CNTN3: variants seen among roughly 807,000 people sequenced by gnomAD.
CNTN3 encodes the protein contactin 3, also known as contactin-3.
CNTN3 carries 60 observed loss-of-function variants against 119.1 expected under a neutral mutation model. The ratio of observed to expected loss-of-function variants is 0.50; its 90% CI spans 0.41 to 0.62. The LOEUF is 0.62. Among genes scored for constraint, CNTN3 ranks in the 20% least tolerant of loss-of-function variants. The probability of loss-of-function intolerance (pLI) is 0.00; values close to 1 mark genes in which losing one functional copy is unlikely to be tolerated. For synonymous variants in CNTN3, 450 were observed against 438.7 expected (o/e 1.03, Z -0.32); for missense variants, 1,101 against 1,242.4 (o/e 0.89, Z 1.71).
At chr3:74,597,582 A>G (rs1704834218) in intron 1 of CNTN3, among the ~76,000 whole-genome samples, 1 of 152,048 alleles carries the variant, frequency 6.6e-6, no homozygotes, top group Admixed American at 6.6e-5. Flanking sequence ...ATAGGAAGAA[A>G]ACTTCTTGCT....
intron 20 of CNTN3, among the ~76,000 whole-genome samples, chr3:74,274,237 A>G (rs1701837784): frequency 6.6e-6 from 1 of 151,996 alleles, no homozygotes; most frequent in Non-Finnish European, 1.5e-5. Flanking sequence ...GCTGAACACA[A>G]AAGGCATATA....
In CNTN3 at chr3:74,465,334, T is replaced by C. The variant is rs569470169; in HGVS notation, c.358+21122A>G. On this transcript the variant is annotated intron_variant, in intron 4 of 22. Transcript: ENST00000263665. ...AGAAGCAACAACAACAACAAAAAGG[T>C]CTTTATCGTTACTATTACACTCACG... Among the ~76,000 whole-genome samples, 3 of 152,182 alleles carry C rather than the reference T, an allele frequency of 2.0e-5. No homozygotes were observed. The South Asian group carries it at 6.2e-4, about 32-fold the overall frequency.
At chr3:74,266,794 T>C (rs896839101) in intron 21 of CNTN3, 145 bp from the exon 22 acceptor site, 6 of 708,694 alleles carry the variant, frequency 8.5e-6, no homozygotes, top group Non-Finnish European at 1.2e-5. Flanking sequence ...TTGTAAGTCT[T>C]AGATTAGAGG....
At chr3:74,284,839 A>G (rs2106780719) in intron 20 of CNTN3, among the ~76,000 whole-genome samples, 1 of 152,344 alleles carries the variant, frequency 6.6e-6, no homozygotes, top group East Asian at 1.9e-4. Context: ...ACACATTCAC[A>G]GGACCATCAT....
chr3:74,328,493 T>C (rs1703182845), intron 13 of CNTN3, among the ~76,000 whole-genome samples: 1 of 152,254 alleles, frequency 6.6e-6, no homozygotes, highest in Non-Finnish European at 1.5e-5. Flanking sequence ...GTTTTAACTC[T>C]GCTGTTTTTA....
intron 5 of CNTN3, among the ~76,000 whole-genome samples, chr3:74,408,096 A>C (rs1470154297): frequency 6.6e-6 from 1 of 152,190 alleles, no homozygotes; most frequent in African/African-American, 2.4e-5. Flanking sequence ...GGAAGGTAGG[A>C]CCTTGAGAGG....
intron 1 of CNTN3, among the ~76,000 whole-genome samples, chr3:74,529,550 T>C (rs1452072594): frequency 6.6e-6 from 1 of 151,952 alleles, no homozygotes; most frequent in Non-Finnish European, 1.5e-5. Flanking sequence ...CTGAAGGTTT[T>C]CTGAAACTAC....
At chr3:74,310,191 G>A (rs1417329275) in intron 13 of CNTN3, among the ~76,000 whole-genome samples, 1 of 151,514 alleles carries the variant, frequency 6.6e-6, no homozygotes, top group African/African-American at 2.4e-5. Context: ...AGAATGATAT[G>A]AATGTTACAT....
At chr3:74,296,122 T>C (rs974642898) in intron 18 of CNTN3, among the ~76,000 whole-genome samples, 1 of 152,132 alleles carries the variant, frequency 6.6e-6, no homozygotes, top group Admixed American at 6.5e-5. Flanking sequence ...TAACTCTCCC[T>C]TGGATTCACA....
At chr3:74,602,786 C>T (rs999048492) in intron 1 of CNTN3, among the ~76,000 whole-genome samples, 4 of 152,016 alleles carry the variant, frequency 2.6e-5, no homozygotes, top group African/African-American at 9.7e-5. Flanking sequence ...GACTTCTGGC[C>T]AATAAAATGT....
intron 4 of CNTN3, 65 bp downstream of exon 4, chr3:74,486,391 A>C: frequency 7.1e-7 from 1 of 1,412,828 alleles, no homozygotes; most frequent in Non-Finnish European, 9.7e-7. Context: ...ATCCAAAACG[A>C]CTACACAAAT....
At chr3:74,563,237 A>G (rs192981217) in intron 1 of CNTN3, among the ~76,000 whole-genome samples, 108 of 152,234 alleles carry the variant, frequency 7.1e-4, no homozygotes, top group Admixed American at 5.6e-3. Context: ...CCTCTTCAGA[A>G]TACCTTTTTC....
At chr3:74,577,286 C>A (rs1704433134) in intron 1 of CNTN3, among the ~76,000 whole-genome samples, 1 of 152,134 alleles carries the variant, frequency 6.6e-6, no homozygotes, top group Admixed American at 6.5e-5. Context: ...GGTCGTTAAT[C>A]CAAGTGATAT....
rs143080608 is a variant in CNTN3 at position 74,553,244 on chromosome 3, G to C, written c.-80-32052C>G. Among the ~76,000 whole-genome samples the C allele has an allele frequency of 8.5e-3, 1,291 of 152,228 alleles. 19 individuals are homozygous for C. Among genetic ancestry groups the C allele is most frequent in the Middle Eastern group, 0.044 (13 of 294 alleles). On this transcript the variant is annotated intron_variant, in intron 1 of 22. Transcript: ENST00000263665. Reference sequence around the variant, plus strand: ...AATGATGGTTTTCAGCTTTATCCAAGTCCCTGCAAAGGACATGAACTCATC... The same window carrying C: ...AATGATGGTTTTCAGCTTTATCCAACTCCCTGCAAAGGACATGAACTCATC...
intron 18 of CNTN3, 62 bp from the exon 19 acceptor site, chr3:74,295,298 T>G: frequency 1.2e-6 from 1 of 823,722 alleles, no homozygotes; most frequent in South Asian, 1.7e-5. Flanking sequence ...AAACACAGAT[T>G]AATGTTCTTA....
intron 4 of CNTN3, among the ~76,000 whole-genome samples, chr3:74,473,456 T>C (rs1441433541): frequency 6.6e-6 from 1 of 152,200 alleles, no homozygotes; most frequent in Non-Finnish European, 1.5e-5. Flanking sequence ...CCCCAACATT[T>C]AAAATGTCAA....
chr3:74,321,088 T>C (rs1370961386), intron 13 of CNTN3, among the ~76,000 whole-genome samples: 1 of 152,026 alleles, frequency 6.6e-6, no homozygotes, highest in African/African-American at 2.4e-5. Flanking sequence ...ACACTGGGTA[T>C]ACATGAACAT....
At chr3:74,349,087 T>TAA (rs534564364) in intron 11 of CNTN3, among the ~76,000 whole-genome samples, 168 of 137,758 alleles carry the variant, frequency 1.2e-3, no homozygotes, top group South Asian at 2.1e-3. Flanking sequence ...CCCTGTCTCT[T>TAA]AAAAAAAAAA....
At chr3:74,377,033 TGAGGTATTCCAAAA>T (rs1380301349) in intron 5 of CNTN3, among the ~76,000 whole-genome samples, 1 of 152,062 alleles carries the variant, frequency 6.6e-6, no homozygotes, top group Non-Finnish European at 1.5e-5. Flanking sequence ...AATATAATGT[TGAGGTATTCCAAAA>T]GAGATATCAA....
Sources: gnomAD v4.1 joint callset for allele counts (sites outside exome capture counted in the v4.1 genomes callset) on GRCh38, gnomAD v4.1.1 for gene constraint, MANE v1.5 for transcripts, NCBI Gene and HGNC (gene_info 2026-07-23, HGNC 2026-07-21) for gene names.